The following PLEKHG1 variants were observed in gnomAD, a reference collection of about 807,000 sequenced individuals.
The protein encoded by PLEKHG1 is pleckstrin homology domain-containing family G member 1.
A neutral mutation model predicts 100.8 loss-of-function variants in PLEKHG1; 44 were observed. The observed-to-expected ratio is 0.44, with a 90% confidence interval of 0.34 to 0.56. The LOEUF is 0.56. Ranked by LOEUF, PLEKHG1 falls within the 20% of genes least tolerant of loss-of-function variation. PLEKHG1 has a pLI of 0.01. For synonymous variants in PLEKHG1, 640 were observed against 662.5 expected (o/e 0.97, Z 0.52); for missense variants, 1,545 against 1,720.9 (o/e 0.90, Z 1.81).
chr6:150,660,953 T>G (rs933720531), intron 3 of PLEKHG1, among the ~76,000 whole-genome samples: 2 of 152,234 alleles, frequency 1.3e-5, no homozygotes, highest in African/African-American at 4.8e-5. Context: ...AGCTTAATGT[T>G]GCTAAATTGA....
At position 150,665,036 on chromosome 6, in the gene PLEKHG1, A is replaced by T. The variant is rs143909278; in HGVS notation, c.-99+14250A>T. ...GACAGCTGGGTAGAGATAGGTTGCA[A>T]CCGGGAGAACAGGCTCCTTGGGGTA... On this transcript the variant is annotated intron_variant, in intron 3 of 3. Coordinates refer to the PLEKHG1 transcript ENST00000367326. Among the ~76,000 whole-genome samples the T allele has an allele frequency of 4.7e-3, 712 of 152,286 alleles. 2 individuals carry two copies. The highest frequency in any genetic ancestry group is 6.5e-3 in the Non-Finnish European group (439 of 68,014).
intron 10 of PLEKHG1, among the ~76,000 whole-genome samples, chr6:150,817,910 C>T (rs1441245578): frequency 2.0e-5 from 3 of 151,936 alleles, no homozygotes; most frequent in Admixed American, 2.0e-4. Context: ...GATGATCAGC[C>T]AGGCTTCGGA....
At chr6:150,798,055 G>A (rs1310015953) in intron 5 of PLEKHG1, among the ~76,000 whole-genome samples, 3 of 151,942 alleles carry the variant, frequency 2.0e-5, no homozygotes, top group Non-Finnish European at 4.4e-5. Context: ...AATTTACATG[G>A]TTTCACTTAA....
intron 3 of PLEKHG1, among the ~76,000 whole-genome samples, chr6:150,705,179 A>G (rs964828884): frequency 3.3e-5 from 5 of 152,220 alleles, no homozygotes; most frequent in Non-Finnish European, 7.3e-5. Context: ...TTTGGTTAAC[A>G]ATACCATTAT....
intron 3 of PLEKHG1, among the ~76,000 whole-genome samples, chr6:150,657,307 A>G (rs1779008000): frequency 6.6e-6 from 1 of 152,254 alleles, no homozygotes; most frequent in Non-Finnish European, 1.5e-5. Context: ...ATATGAAGGC[A>G]AAGATACAAG....
At chr6:150,699,229 T>C (rs956477817) in intron 3 of PLEKHG1, among the ~76,000 whole-genome samples, 2 of 152,200 alleles carry the variant, frequency 1.3e-5, no homozygotes, top group Admixed American at 6.5e-5. Flanking sequence ...CAGTTTCTTA[T>C]AGATTTATAC....
chr6:150,762,666 A>T (rs1046633891), intron 2 of PLEKHG1, among the ~76,000 whole-genome samples: 1 of 152,114 alleles, frequency 6.6e-6, no homozygotes, highest in African/African-American at 2.4e-5. Context: ...CTCCATAGTA[A>T]GAGCTTTTGT....
chr6:150,830,394 G>A (rs1776850126), intron 14 of PLEKHG1, among the ~76,000 whole-genome samples, 188 bp from the exon 16 acceptor site: 1 of 152,160 alleles, frequency 6.6e-6, no homozygotes, highest in Non-Finnish European at 1.5e-5. Flanking sequence ...AGGCTGAGGT[G>A]GGAGGATTGC....
At chr6:150,833,347 C>G (rs1777061642) in intron 15 of PLEKHG1, among the ~76,000 whole-genome samples, 1 of 152,252 alleles carries the variant, frequency 6.6e-6, no homozygotes, top group Admixed American at 6.5e-5. Flanking sequence ...GCCGCCACAC[C>G]TGGCCTACTG....
At chr6:150,653,717 C>T (rs1489903100) in intron 3 of PLEKHG1, among the ~76,000 whole-genome samples, 2 of 151,760 alleles carry the variant, frequency 1.3e-5, no homozygotes, top group Non-Finnish European at 2.9e-5. Context: ...CAGTGCACTC[C>T]AGCCTGGGTG....
chr6:150,654,284 AG>A (rs1325978584), intron 3 of PLEKHG1, among the ~76,000 whole-genome samples: 3 of 152,246 alleles, frequency 2.0e-5, no homozygotes, highest in Non-Finnish European at 4.4e-5. Flanking sequence ...GTAACAGGAT[AG>A]TAGTGTGCCT....
At chr6:150,699,026 A>G (rs1408723547) in intron 3 of PLEKHG1, among the ~76,000 whole-genome samples, 2 of 152,192 alleles carry the variant, frequency 1.3e-5, no homozygotes, top group African/African-American at 2.4e-5. Context: ...TTGCTTTTAC[A>G]TTACCTTTTT....
At chr6:150,678,105 T>TATATATATATATA (rs1554259160) in intron 3 of PLEKHG1, among the ~76,000 whole-genome samples, 3 of 135,650 alleles carry the variant, frequency 2.2e-5, no homozygotes, top group Non-Finnish European at 4.7e-5. Context: ...TATATATATG[T>TATATATATATATA]TGTGGAATGA....
chr6:150,652,275 G>A (rs77062639), intron 3 of PLEKHG1, among the ~76,000 whole-genome samples: 1 of 152,084 alleles, frequency 6.6e-6, no homozygotes, highest in Non-Finnish European at 1.5e-5. Context: ...AACTCATCAG[G>A]CTCTGACCAC....
intron 1 of PLEKHG1, among the ~76,000 whole-genome samples, chr6:150,625,498 C>CT (rs756178844): frequency 8.6e-5 from 13 of 151,084 alleles, no homozygotes; most frequent in Admixed American, 3.3e-4. Context: ...TCATCTCTCT[C>CT]TTTTTTTTTA....
chr6:150,607,317 G>A (rs990729924), intron 1 of PLEKHG1, among the ~76,000 whole-genome samples: 3 of 152,162 alleles, frequency 2.0e-5, no homozygotes, highest in African/African-American at 7.2e-5. Context: ...CCATCACAGA[G>A]CTCAGCTTTC....
intron 1 of PLEKHG1, among the ~76,000 whole-genome samples, chr6:150,731,340 T>C (rs768224639): frequency 6.6e-6 from 1 of 152,232 alleles, no homozygotes; most frequent in Admixed American, 6.5e-5. Context: ...CATGTGGTAG[T>C]GGTTATGCAG....
intron 3 of PLEKHG1, among the ~76,000 whole-genome samples, chr6:150,670,346 AT>A (rs1277367304): frequency 6.6e-6 from 1 of 152,100 alleles, no homozygotes; most frequent in East Asian, 1.9e-4. Flanking sequence ...ATTTGTTCAT[AT>A]TTTTAAAGCC....
intron 1 of PLEKHG1, among the ~76,000 whole-genome samples, chr6:150,604,221 T>C (rs1776491538): frequency 6.6e-6 from 1 of 152,260 alleles, no homozygotes; most frequent in Admixed American, 6.5e-5. Context: ...ATCATCATAG[T>C]ATTAAATGAG....
Sources: allele counts gnomAD v4.1 joint callset (sites outside exome capture counted in the v4.1 genomes callset), GRCh38; gene constraint gnomAD v4.1.1; transcripts MANE v1.5; gene names NCBI Gene and HGNC (gene_info 2026-07-23, HGNC 2026-07-21).